PATJ: variants seen among roughly 807,000 people sequenced by gnomAD.
The protein encoded by PATJ is inaD-like protein.
PATJ carries 190 observed loss-of-function variants against 224.9 expected under a neutral mutation model. The ratio of observed to expected loss-of-function variants is 0.84; its 90% confidence interval spans 0.75 to 0.95. PATJ has a LOEUF of 0.95. Ranked by LOEUF, PATJ falls within the 40% of genes least tolerant of loss-of-function variation. PATJ has a pLI of 0.00. For missense variants in PATJ, 2,121 were observed against 2,270.3 expected (o/e 0.93, Z 1.34); for synonymous variants, 769 against 820.3 (o/e 0.94, Z 1.07).
intron 25 of PATJ, among the ~76,000 whole-genome samples, chr1:61,910,974 A>G (rs1228808354): frequency 6.6e-6 from 1 of 152,224 alleles, no homozygotes; most frequent in African/African-American, 2.4e-5. Context: ...AATAGAAAAT[A>G]TAGGCAATGC....
intron 29 of PATJ, among the ~76,000 whole-genome samples, chr1:62,026,194 A>G (rs116689226): frequency 5.1e-4 from 78 of 152,340 alleles, no homozygotes; most frequent in African/African-American, 1.8e-3. Context: ...CTCTGTTCAT[A>G]TAGTTAGGAA....
Position 61,901,355 on chromosome 1 carries a change from C to A in PATJ, c.3277C>A (p.Leu1093Ile). The A allele has an allele frequency of 6.3e-7, 1 of 1,585,830 alleles. No individual in the cohort carries two copies. The highest frequency in any genetic ancestry group is 8.5e-7 in the Non-Finnish European group (1 of 1,170,384). Residue 1093 changes from leucine (L) to isoleucine (I), a missense_variant, in exon 24 of 44, where the codon CTA (leucine) becomes ATA (isoleucine). Coordinates refer to ENST00000642238, the MANE Select transcript of PATJ (RefSeq NM_001350145.3). Reference protein sequence around the residue: ...IVGGQTVIKRLKNGEELKGIF... With the variant: ...IVGGQTVIKRIKNGEELKGIF... The stretch of plus-strand genomic sequence containing the variant: ...TGGTGGACAAACTGTTATAAAACGT[C>A]TAAAGAATGGAGAGGAGCTTAAAGG...
At chr1:61,788,095 G>A in intron 8 of PATJ, 123 bp downstream of exon 8, 2 of 528,188 alleles carry the variant, frequency 3.8e-6, no homozygotes, top group African/African-American at 5.6e-5. Context: ...TAGTGAAACA[G>A]GAAAAAAAAA....
At chr1:62,123,410 A>G (rs1164458238) in intron 39 of PATJ, among the ~76,000 whole-genome samples, 1 of 151,184 alleles carries the variant, frequency 6.6e-6, no homozygotes, top group Non-Finnish European at 1.5e-5. Flanking sequence ...TTTTGAGAGC[A>G]TATAGTATGA....
intron 17 of PATJ, among the ~76,000 whole-genome samples, chr1:61,848,692 A>C (rs1292771683): frequency 1.3e-5 from 2 of 152,142 alleles, no homozygotes; most frequent in African/African-American, 2.4e-5. Context: ...CTGGGATTAC[A>C]CTATGCCCGG....
At chr1:61,810,004 C>A (rs377304411) in intron 14 of PATJ, among the ~76,000 whole-genome samples, 4 of 151,892 alleles carry the variant, frequency 2.6e-5, no homozygotes, top group African/African-American at 7.2e-5. Context: ...TGTGTCACCA[C>A]CCCCGGCTAA....
chr1:62,022,494 G>A (rs1305623459), intron 29 of PATJ, among the ~76,000 whole-genome samples: 1 of 152,090 alleles, frequency 6.6e-6, no homozygotes, highest in Non-Finnish European at 1.5e-5. Context: ...GTGGGTTTTC[G>A]TGTTTGGCAT....
At chr1:62,078,728 A>G (rs1658749038) in intron 31 of PATJ, 1 of 152,406 alleles carries the variant, frequency 6.6e-6, no homozygotes, top group Non-Finnish European at 1.5e-5. Flanking sequence ...TGAGTTACTC[A>G]TGTCTTCAGT....
intron 39 of PATJ, among the ~76,000 whole-genome samples, chr1:62,123,998 A>G (rs1665406896): frequency 6.6e-6 from 1 of 152,136 alleles, no homozygotes; most frequent in Non-Finnish European, 1.5e-5. Context: ...AGAAGATTAT[A>G]TAAGATGTAT....
rs1451183224 is a variant in PATJ at position 61,884,217 on chromosome 1, C to A, written c.2960-20C>A. 2.6e-6 allele frequency: 4 copies of A among 1,566,584 alleles called. No homozygotes were observed. The highest frequency in any genetic ancestry group is 1.2e-5 in the South Asian group (1 of 81,602). On this transcript the variant is annotated intron_variant, in intron 21 of 43. Coordinates refer to ENST00000642238, the MANE Select transcript of PATJ (RefSeq NM_001350145.3). ...AATGAGTGCCTCTTGTGTTCACTGT[C>A]ATCTGGATTTGCTCTTCAGGCATGA... is the stretch of plus-strand genomic sequence containing the variant.
intron 27 of PATJ, among the ~76,000 whole-genome samples, chr1:61,930,471 T>A (rs974686455): frequency 7.2e-5 from 11 of 152,186 alleles, no homozygotes; most frequent in Non-Finnish European, 1.5e-4. Context: ...GCTACATAAC[T>A]TTCCCAAGGA....
intron 27 of PATJ, among the ~76,000 whole-genome samples, chr1:61,950,350 A>G (rs2149381539): frequency 6.6e-6 from 1 of 152,328 alleles, no homozygotes; most frequent in East Asian, 1.9e-4. Context: ...ATTTGCCCCA[A>G]ACCACTAAAT....
intron 31 of PATJ, among the ~76,000 whole-genome samples, 185 bp from the exon 32 acceptor site, chr1:62,079,265 T>A (rs1488764656): frequency 3.3e-5 from 5 of 152,142 alleles, no homozygotes; most frequent in Non-Finnish European, 1.5e-5. Flanking sequence ...AGTTGTAAAG[T>A]TAAATAGGGA....
At chr1:62,001,262 C>G (rs1645752442) in intron 28 of PATJ, among the ~76,000 whole-genome samples, 1 of 151,616 alleles carries the variant, frequency 6.6e-6, no homozygotes, top group Admixed American at 6.6e-5. Context: ...GAAGTCCTCG[C>G]CCATGCCTAT....
intron 37 of PATJ, 92 bp from the exon 38 acceptor site, chr1:62,121,089 G>A: frequency 1.3e-6 from 1 of 774,274 alleles, no homozygotes; most frequent in Non-Finnish European, 2.1e-6. Flanking sequence ...TGGTTATGGT[G>A]ACATCAGTAA....
intron 9 of PATJ, among the ~76,000 whole-genome samples, chr1:61,794,753 C>A (rs183261210): frequency 3.3e-5 from 5 of 151,952 alleles, no homozygotes; most frequent in African/African-American, 9.7e-5. Flanking sequence ...TTTGGGAGGC[C>A]GAGGTGGGCG....
rs777437810 is a variant in PATJ, at chr1:61,927,818, C to A, written c.3659C>A (p.Ala1220Asp). 3.5e-5 allele frequency: 56 copies of A among 1,609,598 alleles called. No individual in the cohort carries two copies. The Admixed American group carries it at 9.2e-4, about 26-fold the overall frequency. ...AGTGATGAAAATGAAGAAGAAGATG[C>A]CTTTACCGACCGTGAGTGCCTTTTC... ...DDSDENEEED[A>D]FTDQKIRQRY... The change falls in exon 27 of 44, where the codon GCC (alanine) becomes GAC (aspartate). Residue 1220 changes from alanine (A) to aspartate (D), a missense_variant. Transcript: ENST00000642238.
chr1:62,114,187 C>T lies in PATJ; in HGVS notation c.4596C>T (p.Phe1532=), dbSNP rs1664190128. The T allele has an allele frequency of 6.2e-7, 1 of 1,614,084 alleles. No individual in the cohort carries two copies. The highest frequency in any genetic ancestry group is 1.7e-5 in the Admixed American group (1 of 60,016). The change falls in exon 35 of 44, where the codon TTC becomes TTT. Residue 1532 remains phenylalanine, a synonymous_variant. Transcript: ENST00000642238. ...HYRDEENLEI[F]PVDLQKKAGR... The stretch of plus-strand genomic sequence containing the variant: ...GGGATGAGGAGAACTTGGAGATTTT[C>T]CCTGTGGATCTGCAGAAGAAAGCTG...
At chr1:62,122,654 G>A (rs1472374155) in intron 38 of PATJ, among the ~76,000 whole-genome samples, 3 of 151,490 alleles carry the variant, frequency 2.0e-5, no homozygotes, top group South Asian at 2.1e-4. Context: ...GTGAAACCCC[G>A]TCTCTACTAA....
Sources: gnomAD v4.1 joint callset for allele counts (sites outside exome capture counted in the v4.1 genomes callset) on GRCh38, gnomAD v4.1.1 for gene constraint, MANE v1.5 for transcripts, NCBI Gene and HGNC (gene_info 2026-07-23, HGNC 2026-07-21) for gene names.